Variants in RABEP1 observed in about 807,000 individuals in gnomAD.
RABEP1 encodes rabaptin, RAB GTPase binding effector protein 1.
A neutral mutation model predicts 123.4 loss-of-function variants in RABEP1; 51 were observed. The observed-to-expected ratio is 0.41, with a 90% CI of 0.33 to 0.52. The LOEUF is 0.52. RABEP1 is among the 20% of genes least tolerant of loss of function. The pLI, the probability that RABEP1 is intolerant of heterozygous loss-of-function variation, is 0.16. For synonymous variants in RABEP1, 347 were observed against 355.2 expected (o/e 0.98, Z 0.26); for missense variants, 888 against 996.3 (o/e 0.89, Z 1.46).
At chr17:5,319,327 C>CAAAAAAAAAA (rs200353804) in intron 2 of RABEP1, among the ~76,000 whole-genome samples, 1 of 114,698 alleles carries the variant, frequency 8.7e-6, no homozygotes, top group Admixed American at 9.6e-5. Context: ...GACTCTGTCT[C>CAAAAAAAAAA]AAAAAAAAAA....
chr17:5,314,137 C>T (rs1289265852), intron 2 of RABEP1, among the ~76,000 whole-genome samples: 1 of 151,596 alleles, frequency 6.6e-6, no homozygotes, highest in Non-Finnish European at 1.5e-5. Context: ...GCTGTGTTTG[C>T]ACTTGTTTGG....
At chr17:5,331,725 G>A (rs1032920967) in intron 2 of RABEP1, among the ~76,000 whole-genome samples, 17 of 152,110 alleles carry the variant, frequency 1.1e-4, no homozygotes, top group African/African-American at 3.9e-4. Context: ...GTCAGCAGAC[G>A]GGAATGCGTA....
intron 1 of RABEP1, among the ~76,000 whole-genome samples, chr17:5,282,887 T>C (rs780054106): frequency 6.6e-6 from 1 of 151,828 alleles, no homozygotes; most frequent in Non-Finnish European, 1.5e-5. Context: ...CTATATTCGT[T>C]AAAGAAAAAA....
chr17:5,360,978 CGTAT>C (rs2144674485), intron 8 of RABEP1: 1 of 511,646 alleles, frequency 2.0e-6, no homozygotes, highest in East Asian at 3.3e-5. Context: ...TTTTTGAAGC[CGTAT>C]GTATCTCGAG....
chr17:5,367,380 T>C (rs1046135528), intron 11 of RABEP1, among the ~76,000 whole-genome samples: 3 of 151,776 alleles, frequency 2.0e-5, no homozygotes, highest in Non-Finnish European at 4.4e-5. Flanking sequence ...CAAGCGATTC[T>C]CCTGCCTCAG....
At chr17:5,382,887 T>TCTGGC (rs200267711) in intron 17 of RABEP1, among the ~76,000 whole-genome samples, 3,522 of 151,880 alleles carry the variant, frequency 0.023, 129 homozygotes, top group African/African-American at 0.081. Context: ...ACCATTGCAC[T>TCTGGC]CTGGCCTGGG....
Position 5,361,476 on chromosome 17 carries a change from C to T in RABEP1, c.1364C>T (p.Ala455Val). The change falls in exon 9 of 18, where the codon GCA (alanine) becomes GTA (valine). Residue 455 changes from alanine (A) to valine (V), a missense_variant. Physicochemically the swap from Ala to Val is moderately conservative, Grantham distance 64 (BLOSUM62 0). Coordinates refer to ENST00000537505, the MANE Select transcript of RABEP1 (RefSeq NM_004703.6). ...TCAGTGTCTGAGAACTTTGATACTG[C>T]ATCCCTTGGGTCACTCCAGATGCCA... ...ADSVSENFDT[A>V]SLGSLQMPSG... 6.2e-7 allele frequency: 1 copy of T among 1,614,162 alleles called. No homozygotes were observed. Among genetic ancestry groups the T allele is most frequent in the African/African-American group, 1.3e-5 (1 of 75,046 alleles).
At chr17:5,373,129 T>C (rs183799249) in intron 12 of RABEP1, among the ~76,000 whole-genome samples, 185 bp from the exon 13 acceptor site, 43 of 152,248 alleles carry the variant, frequency 2.8e-4, no homozygotes, top group Non-Finnish European at 5.3e-4. Flanking sequence ...TCATTGCCTG[T>C]CCCTTGTTGA....
intron 5 of RABEP1, among the ~76,000 whole-genome samples, chr17:5,339,191 A>G (rs1401765246): frequency 3.3e-5 from 5 of 152,190 alleles, no homozygotes; most frequent in African/African-American, 1.2e-4. Context: ...AAGAAGCATA[A>G]GAAAATAAAA....
chr17:5,318,282 G>T (rs2144555409), intron 2 of RABEP1, among the ~76,000 whole-genome samples: 1 of 152,246 alleles, frequency 6.6e-6, no homozygotes, highest in African/African-American at 2.4e-5. Context: ...TTATTTCCAG[G>T]TAGATAGTGT....
intron 6 of RABEP1, among the ~76,000 whole-genome samples, chr17:5,348,042 A>T (rs1908219013): frequency 6.6e-6 from 1 of 151,710 alleles, no homozygotes; most frequent in South Asian, 2.1e-4. Flanking sequence ...CAGTGGTGTG[A>T]TCTCGGCTCA....
rs145522196 is a variant in RABEP1 at position 5,379,287 on chromosome 17, C to G, written c.2271+1055C>G. ...CTTCAGAGAATATCATGACCTGCTT[C>G]TGACCACAGTGTCATTGCATAGGTG... On this transcript the variant is annotated intron_variant, in intron 15 of 17. Transcript: ENST00000537505. 2.6e-5 allele frequency among the ~76,000 whole-genome samples: 4 copies of G among 152,320 alleles called. No homozygotes were observed. In the East Asian group the frequency reaches 7.7e-4, roughly 29 times the overall value.
intron 1 of RABEP1, among the ~76,000 whole-genome samples, chr17:5,282,976 G>C (rs1017075236): frequency 1.4e-4 from 21 of 152,128 alleles, no homozygotes; most frequent in Middle Eastern, 3.2e-3. Context: ...TATGTGACCT[G>C]AAAGTAGTTG....
intron 7 of RABEP1, among the ~76,000 whole-genome samples, chr17:5,351,707 T>C (rs1489668129): frequency 6.6e-6 from 1 of 151,946 alleles, no homozygotes; most frequent in Non-Finnish European, 1.5e-5. Flanking sequence ...GAGGCTGAGG[T>C]GGGAGGATCA....
chr17:5,354,474 A>G lies in RABEP1; in HGVS notation c.1079A>G (p.Gln360Arg), dbSNP rs1426743348. 1 of 1,611,332 alleles carries G rather than the reference A, an allele frequency of 6.2e-7. No homozygotes were observed. Among genetic ancestry groups the G allele is most frequent in the Admixed American group, 1.7e-5 (1 of 59,476 alleles). ...TTAACTCAAGAAGAATCTTCAGCCC[A>G]GTTATCAAATGAAGAGGTATAGTGA... is the stretch of plus-strand genomic sequence containing the variant. ...CALTQEESSA[Q>R]LSNEEEHLDS... Residue 360 changes from glutamine to arginine, a missense_variant, in exon 8 of 18, where the codon CAG becomes CGG. By Grantham distance (43) the Gln-to-Arg change is conservative. Transcript: ENST00000537505.
At chr17:5,311,461 C>T (rs1255932889) in intron 2 of RABEP1, among the ~76,000 whole-genome samples, 2 of 151,702 alleles carry the variant, frequency 1.3e-5, no homozygotes, top group African/African-American at 2.4e-5. Context: ...TTTTGGGAGG[C>T]CGAGGCAGGC....
intron 11 of RABEP1, among the ~76,000 whole-genome samples, chr17:5,366,957 C>T (rs577374731): frequency 1.3e-3 from 201 of 151,454 alleles, no homozygotes; most frequent in Non-Finnish European, 2.1e-3. Flanking sequence ...AGTGTTTCGG[C>T]GCATTCCTGT....
chr17:5,284,191 G>C (rs1346625249), intron 1 of RABEP1: 1 of 152,188 alleles, frequency 6.6e-6, no homozygotes, highest in African/African-American at 2.4e-5. Context: ...ATATGAAATG[G>C]TCTTCCTTGT....
At position 5,381,494 on chromosome 17, in the gene RABEP1, C is replaced by G; in HGVS notation, c.2476C>G (p.Gln826Glu). The stretch of plus-strand genomic sequence containing the variant: ...CCAGAGGGATTTTGTAAAGCTTTCA[C>G]AGACCCTTCAGGTGAGGCATTTGGG... ...QVQRDFVKLS[Q>E]TLQVQLERIR... The change falls in exon 17 of 18, where the codon CAG becomes GAG. Residue 826 changes from glutamine (Q) to glutamate (E), a missense_variant. Physicochemically the swap from Gln to Glu is conservative, Grantham distance 29 (BLOSUM62 2). Transcript: ENST00000537505. The G allele has an allele frequency of 6.2e-7, 1 of 1,613,244 alleles. No individual in the cohort carries two copies. The highest frequency in any genetic ancestry group is 8.5e-7 in the Non-Finnish European group (1 of 1,179,604).
Sources: allele counts gnomAD v4.1 joint callset (sites outside exome capture counted in the v4.1 genomes callset), GRCh38; gene constraint gnomAD v4.1.1; transcripts MANE v1.5; gene names NCBI Gene and HGNC (gene_info 2026-07-23, HGNC 2026-07-21).